Variants in KCNN2 observed in about 807,000 individuals in gnomAD.
KCNN2 encodes the protein small conductance calcium-activated potassium channel protein 2.
KCNN2 carries 24 observed loss-of-function variants against 55.5 expected under a neutral mutation model. That is an observed-to-expected ratio of 0.43 (90% CI 0.31 to 0.61). The LOEUF (loss-of-function observed/expected upper bound fraction) is 0.61. Among genes scored for constraint, KCNN2 ranks in the 20% least tolerant of loss-of-function variants. The probability of loss-of-function intolerance (pLI) is 0.08; values close to 1 mark genes in which losing one functional copy is unlikely to be tolerated. For missense variants in KCNN2, 754 were observed against 853.6 expected (o/e 0.88, Z 1.45); for synonymous variants, 431 against 336.1 (o/e 1.28, Z -3.09).
intron 2 of KCNN2, among the ~76,000 whole-genome samples, chr5:114,235,660 G>A (rs1754476444): frequency 6.6e-6 from 1 of 152,142 alleles, no homozygotes; most frequent in Non-Finnish European, 1.5e-5. Context: ...TAGGAGTGAG[G>A]CTAAACTGTT....
intron 2 of KCNN2, among the ~76,000 whole-genome samples, chr5:114,269,121 C>T (rs4412104): frequency 0.13 from 19,365 of 152,116 alleles, 2,194 homozygotes; most frequent in East Asian, 0.52. Context: ...AGTGTTCTCT[C>T]TCTTCTTGCA....
intron 3 of KCNN2, among the ~76,000 whole-genome samples, chr5:114,407,932 G>A (rs75290418): frequency 0.043 from 6,618 of 152,272 alleles, 163 homozygotes; most frequent in South Asian, 0.062. Flanking sequence ...GCCAGGTTGC[G>A]AAAGAACAGT....
chr5:114,393,972 TCA>T (rs72546707), intron 2 of KCNN2, among the ~76,000 whole-genome samples: 3 of 110,452 alleles, frequency 2.7e-5, no homozygotes, highest in Non-Finnish European at 5.7e-5. Context: ...CAACAAATAA[TCA>T]TGTACATTCA....
chr5:114,159,496 A>G (rs1273215455), intron 1 of KCNN2, among the ~76,000 whole-genome samples: 1 of 152,168 alleles, frequency 6.6e-6, no homozygotes, highest in Non-Finnish European at 1.5e-5. Flanking sequence ...AGGCTTTGGT[A>G]TCAGGATGAT....
chr5:114,245,552 C>T (rs1170255272), intron 2 of KCNN2, among the ~76,000 whole-genome samples: 1 of 152,154 alleles, frequency 6.6e-6, no homozygotes, highest in Non-Finnish European at 1.5e-5. Flanking sequence ...TCACTGCAGC[C>T]ACACTATAGC....
At chr5:114,239,878 A>G (rs968066793) in intron 2 of KCNN2, among the ~76,000 whole-genome samples, 6 of 152,244 alleles carry the variant, frequency 3.9e-5, no homozygotes, top group Non-Finnish European at 8.8e-5. Context: ...ACCAAAAGAT[A>G]TATTAGAAAG....
At chr5:114,396,547 T>C (rs1057346702) in intron 2 of KCNN2, among the ~76,000 whole-genome samples, 1 of 135,096 alleles carries the variant, frequency 7.4e-6, no homozygotes, top group African/African-American at 2.7e-5. Context: ...ACCCAATAGG[T>C]AGTCTTTTTT....
chr5:114,462,187 G>C (rs1421035832), intron 3 of KCNN2, among the ~76,000 whole-genome samples: 1 of 152,126 alleles, frequency 6.6e-6, no homozygotes, highest in African/African-American at 2.4e-5. Context: ...TATAAAACCA[G>C]TGTCCACATC....
At chr5:114,201,302 A>G (rs1561520419) in intron 1 of KCNN2, among the ~76,000 whole-genome samples, 1 of 152,050 alleles carries the variant, frequency 6.6e-6, no homozygotes, top group Admixed American at 6.6e-5. Context: ...TAATAATAAT[A>G]ATAATAATGA....
chr5:114,116,477 G>A (rs549781952), intron 1 of KCNN2, among the ~76,000 whole-genome samples: 1 of 152,070 alleles, frequency 6.6e-6, no homozygotes, highest in East Asian at 1.9e-4. Context: ...TCAGGATTAG[G>A]GTGATATTTT....
chr5:114,338,550 G>C (rs1462383258), intron 2 of KCNN2, among the ~76,000 whole-genome samples: 2 of 152,108 alleles, frequency 1.3e-5, no homozygotes, highest in Admixed American at 6.5e-5. Flanking sequence ...CAAGAAAATG[G>C]ATAGATCAAT....
At chr5:114,206,934 C>T (rs1753788956) in intron 1 of KCNN2, among the ~76,000 whole-genome samples, 1 of 152,192 alleles carries the variant, frequency 6.6e-6, no homozygotes, top group Admixed American at 6.5e-5. Flanking sequence ...CATATTTCCT[C>T]TTTCTCATGT....
At chr5:114,407,747 C>T (rs1322191044) in intron 3 of KCNN2, among the ~76,000 whole-genome samples, 2 of 152,152 alleles carry the variant, frequency 1.3e-5, no homozygotes, top group African/African-American at 2.4e-5. Flanking sequence ...GAGGTGACAG[C>T]GTCTTGGGAA....
intron 1 of KCNN2, among the ~76,000 whole-genome samples, chr5:114,070,559 C>A (rs1750547608): frequency 6.6e-6 from 1 of 152,184 alleles, no homozygotes; most frequent in Non-Finnish European, 1.5e-5. Context: ...AGTTGGTGAA[C>A]CCCTCACAGA....
At chr5:114,139,312 A>G (rs1310610645) in intron 1 of KCNN2, among the ~76,000 whole-genome samples, 2 of 152,046 alleles carry the variant, frequency 1.3e-5, no homozygotes, top group Non-Finnish European at 2.9e-5. Flanking sequence ...TTTGGAGTGG[A>G]AAAATTTTTA....
intron 1 of KCNN2, among the ~76,000 whole-genome samples, chr5:114,134,278 G>A (rs1037989062): frequency 6.6e-6 from 1 of 150,680 alleles, no homozygotes; most frequent in Non-Finnish European, 1.5e-5. Context: ...CCATACGCTT[G>A]GCCCTCTTAG....
At chr5:114,064,344 G>C (rs1183856334) in intron 1 of KCNN2, among the ~76,000 whole-genome samples, 1 of 152,186 alleles carries the variant, frequency 6.6e-6, no homozygotes, top group Non-Finnish European at 1.5e-5. Flanking sequence ...ACATTCTGAG[G>C]CTTCTGAGCC....
chr5:114,416,433 C>A (rs899456489), intron 3 of KCNN2, among the ~76,000 whole-genome samples: 17 of 152,152 alleles, frequency 1.1e-4, no homozygotes, highest in Admixed American at 9.2e-4. Flanking sequence ...TTATGACCGT[C>A]CACAGTCATG....
At chr5:114,254,825 G>T (rs1266624810) in intron 2 of KCNN2, among the ~76,000 whole-genome samples, 1 of 151,954 alleles carries the variant, frequency 6.6e-6, no homozygotes, top group East Asian at 1.9e-4. Context: ...AATGAAATCT[G>T]TTCATTCACT....
Sources: gnomAD v4.1 joint callset for allele counts (sites outside exome capture counted in the v4.1 genomes callset) on GRCh38, gnomAD v4.1.1 for gene constraint, MANE v1.5 for transcripts, NCBI Gene and HGNC (gene_info 2026-07-23, HGNC 2026-07-21) for gene names.